The following SLIT3 variants were observed in gnomAD, a reference collection of about 807,000 sequenced individuals.
The protein encoded by SLIT3 is slit homolog 3 protein.
SLIT3 carries 68 observed loss-of-function variants against 184.0 expected under a neutral mutation model. The ratio of observed to expected loss-of-function variants is 0.37; its 90% CI spans 0.30 to 0.45. SLIT3 has a LOEUF of 0.45. Among genes scored for constraint, SLIT3 ranks in the 20% least tolerant of loss-of-function variants. SLIT3 has a pLI of 1.00. For synonymous variants in SLIT3, 831 were observed against 828.6 expected (o/e 1.00, Z -0.05); for missense variants, 1,707 against 2,026.0 (o/e 0.84, Z 3.02).
chr5:169,189,526 G>GGA (rs1395235307), intron 4 of SLIT3, among the ~76,000 whole-genome samples: 1 of 86,124 alleles, frequency 1.2e-5, no homozygotes, highest in Non-Finnish European at 2.2e-5. Flanking sequence ...TAGATAGATG[G>GGA]GATATATATA....
intron 4 of SLIT3, among the ~76,000 whole-genome samples, chr5:168,949,701 G>A (rs1225528553): frequency 1.3e-5 from 2 of 152,128 alleles, no homozygotes; most frequent in South Asian, 2.1e-4. Flanking sequence ...CTGGGCTCAG[G>A]TGATTCTCCC....
intron 1 of SLIT3, among the ~76,000 whole-genome samples, chr5:169,296,764 C>G (rs1336140130): frequency 1.3e-5 from 2 of 152,214 alleles, no homozygotes; most frequent in Non-Finnish European, 2.9e-5. Flanking sequence ...CACGTTTCAG[C>G]CTTTCGCCCG....
chr5:169,145,304 G>A (rs74631242), intron 4 of SLIT3, among the ~76,000 whole-genome samples: 2,676 of 152,152 alleles, frequency 0.018, 83 homozygotes, highest in African/African-American at 0.061. Context: ...ATTATTGCTC[G>A]ATGCCCACTA....
intron 32 of SLIT3, among the ~76,000 whole-genome samples, chr5:168,675,231 T>C (rs572573753): frequency 6.6e-6 from 1 of 152,196 alleles, no homozygotes; most frequent in Non-Finnish European, 1.5e-5. Context: ...AGGCTTCCTC[T>C]CTCCTTGAAT....
At chr5:168,907,922 A>G (rs1192227251) in intron 4 of SLIT3, among the ~76,000 whole-genome samples, 1 of 91,936 alleles carries the variant, frequency 1.1e-5, no homozygotes, top group African/African-American at 3.1e-5. Context: ...ATCTATATCT[A>G]TTTTATATAT....
At chr5:169,079,285 T>A (rs781218443) in intron 4 of SLIT3, among the ~76,000 whole-genome samples, 5 of 152,188 alleles carry the variant, frequency 3.3e-5, no homozygotes, top group Non-Finnish European at 7.3e-5. Context: ...GTTCCACACC[T>A]GCCTGCTTTC....
chr5:169,204,859 G>A (rs180735632), intron 3 of SLIT3, among the ~76,000 whole-genome samples: 7 of 152,316 alleles, frequency 4.6e-5, no homozygotes, highest in Admixed American at 1.3e-4. Context: ...GTTGCCGGGC[G>A]GCAGCCAATG....
chr5:169,164,225 A>G (rs1451330932), intron 4 of SLIT3, among the ~76,000 whole-genome samples: 1 of 152,218 alleles, frequency 6.6e-6, no homozygotes, highest in Non-Finnish European at 1.5e-5. Context: ...CGGACTCCCC[A>G]TCAAGACCAG....
chr5:169,161,143 T>A (rs1762464304), intron 4 of SLIT3, among the ~76,000 whole-genome samples: 1 of 152,090 alleles, frequency 6.6e-6, no homozygotes, highest in Non-Finnish European at 1.5e-5. Context: ...TAAAATCGCC[T>A]CCTCCTCCTC....
chr5:168,869,005 G>A (rs1759415464), intron 5 of SLIT3, among the ~76,000 whole-genome samples: 1 of 152,116 alleles, frequency 6.6e-6, no homozygotes, highest in Non-Finnish European at 1.5e-5. Context: ...CATGGAGCAG[G>A]CCCCCTGCAG....
At chr5:168,856,984 G>T (rs529700594) in intron 5 of SLIT3, among the ~76,000 whole-genome samples, 163 of 151,970 alleles carry the variant, frequency 1.1e-3, no homozygotes, top group South Asian at 2.5e-3. Context: ...AAGGGATGGT[G>T]GGGGGGCCTG....
chr5:168,843,245 G>C (rs1055224310), intron 6 of SLIT3, among the ~76,000 whole-genome samples: 7 of 152,122 alleles, frequency 4.6e-5, no homozygotes, highest in Non-Finnish European at 7.4e-5. Context: ...ATAATGTGGA[G>C]AGGCTCTCTC....
chr5:168,751,206 C>G (rs1050247835), intron 18 of SLIT3, among the ~76,000 whole-genome samples: 3 of 152,126 alleles, frequency 2.0e-5, no homozygotes, highest in African/African-American at 4.8e-5. Context: ...GTGGGGCCGG[C>G]CTTTAGGCCC....
At chr5:169,045,540 TAG>T (rs943764775) in intron 4 of SLIT3, among the ~76,000 whole-genome samples, 3 of 151,940 alleles carry the variant, frequency 2.0e-5, no homozygotes, top group Non-Finnish European at 4.4e-5. Flanking sequence ...TGACACACGG[TAG>T]GTATTCAATA....
At chr5:168,723,444 A>G (rs1763009870) in intron 21 of SLIT3, among the ~76,000 whole-genome samples, 1 of 152,172 alleles carries the variant, frequency 6.6e-6, no homozygotes, top group Non-Finnish European at 1.5e-5. Flanking sequence ...AGCAACTGTC[A>G]TTCATTTATC....
At chr5:169,150,943 A>G (rs1468424305) in intron 4 of SLIT3, among the ~76,000 whole-genome samples, 1 of 152,204 alleles carries the variant, frequency 6.6e-6, no homozygotes, top group African/African-American at 2.4e-5. Flanking sequence ...AGTAATTTGG[A>G]AAGATCAAAA....
intron 4 of SLIT3, among the ~76,000 whole-genome samples, chr5:169,066,441 C>CG (rs1758351007): frequency 6.6e-6 from 1 of 152,134 alleles, no homozygotes; most frequent in Non-Finnish European, 1.5e-5. Flanking sequence ...CATGAAAAAA[C>CG]GCTCAACTTA....
intron 1 of SLIT3, among the ~76,000 whole-genome samples, chr5:169,257,915 A>G (rs1766031390): frequency 6.6e-6 from 1 of 152,092 alleles, no homozygotes; most frequent in African/African-American, 2.4e-5. Context: ...TCTTACTTCA[A>G]CGAATTAAAA....
rs536300115 is a variant in SLIT3, at chr5:169,123,313, A to G, written c.413+70166T>C. ...GTGAAATCATTGATGCTTTATGAAA[A>G]GTTGATGGGGACAAAGCCCACCTCC... On this transcript the variant is annotated intron_variant, in intron 4 of 35. Transcript: ENST00000519560. Among the ~76,000 whole-genome samples the G allele has an allele frequency of 5.9e-5, 9 of 152,308 alleles. No individual in the cohort carries two copies. In the East Asian group the frequency reaches 1.7e-3, roughly 29 times the overall value.
Sources: allele counts gnomAD v4.1 joint callset (sites outside exome capture counted in the v4.1 genomes callset), GRCh38; gene constraint gnomAD v4.1.1; transcripts MANE v1.5; gene names NCBI Gene and HGNC (gene_info 2026-07-23, HGNC 2026-07-21).